Variants in TOP2A observed in about 807,000 individuals in gnomAD.
TOP2A encodes the protein DNA topoisomerase II alpha.
In TOP2A, 68 loss-of-function variants were observed where a neutral mutation model predicts 187.2. The observed-to-expected ratio is 0.36, with a 90% CI of 0.30 to 0.44. TOP2A has a LOEUF of 0.44. TOP2A is among the 20% of genes least tolerant of loss of function. The pLI is 1.00. For missense variants in TOP2A, 1,196 were observed against 1,808.7 expected (o/e 0.66, Z 6.14); for synonymous variants, 542 against 593.2 (o/e 0.91, Z 1.25).
In TOP2A at chr17:40,417,772, T is replaced by G. The variant is rs1440570848; in HGVS notation, c.20A>C (p.Gln7Pro). Residue 7 changes from glutamine to proline, a missense_variant and splice_region_variant, in exon 1 of 35, where the codon CAG (glutamine) becomes CCG (proline). Gln to Pro is a moderately conservative substitution (Grantham distance 76). Coordinates refer to ENST00000423485, the MANE Select transcript of TOP2A (RefSeq NM_001067.4). MEVSPLQPVNENMQVNK... is the reference protein window; with the variant it reads MEVSPLPPVNENMQVNK... Reference sequence around the variant, plus strand: ...GCCAGTCCCCCCCGCGAGCCGTACCTGCAATGGTGACACTTCCATGGTGAC... The same window carrying G: ...GCCAGTCCCCCCCGCGAGCCGTACCGGCAATGGTGACACTTCCATGGTGAC... 6.2e-7 allele frequency: 1 copy of G among 1,613,206 alleles called. No individual in the cohort carries two copies. The highest frequency in any genetic ancestry group is 8.5e-7 in the Non-Finnish European group (1 of 1,179,866).
In TOP2A at chr17:40,406,453, A is replaced by G. The variant is rs985044612; in HGVS notation, c.1884T>C (p.Phe628=). The part of the protein sequence containing the change: ...TSTSKEAKEY[F]ADMKRHRIQF... Reference sequence around the variant, plus strand: ...GGATACGATGTCTTTTCATATCTGCAAAGTATTCTTTAGCTTCCTTTGATG... The same window carrying G: ...GGATACGATGTCTTTTCATATCTGCGAAGTATTCTTTAGCTTCCTTTGATG... Residue 628 remains phenylalanine, a synonymous_variant, in exon 16 of 35, where the codon TTT becomes TTC. Coordinates refer to ENST00000423485, the MANE Select transcript of TOP2A (RefSeq NM_001067.4). 1.9e-6 allele frequency: 3 copies of G among 1,613,748 alleles called. No individual in the cohort carries two copies. Among genetic ancestry groups the G allele is most frequent in the Non-Finnish European group, 2.5e-6 (3 of 1,179,804 alleles).
At chr17:40,414,976 TTAA>T (rs1236616842) in intron 4 of TOP2A, among the ~76,000 whole-genome samples, 4 of 151,966 alleles carry the variant, frequency 2.6e-5, no homozygotes, top group African/African-American at 9.7e-5. Flanking sequence ...TATATTTTAG[TTAA>T]TAACTCGATA....
intron 24 of TOP2A, among the ~76,000 whole-genome samples, chr17:40,399,519 T>TA (rs1226945440): frequency 6.6e-6 from 1 of 151,920 alleles, no homozygotes; most frequent in Non-Finnish European, 1.5e-5. Context: ...TTTTTTTTTT[T>TA]ACCATCAGAT....
chr17:40,402,158 A>G (rs2035190625), intron 20 of TOP2A, among the ~76,000 whole-genome samples: 1 of 152,176 alleles, frequency 6.6e-6, no homozygotes, highest in African/African-American at 2.4e-5. Context: ...CAAGGTTTTT[A>G]GCCTGAGCAA....
At chr17:40,413,684 T>A in intron 4 of TOP2A, 59 bp from the exon 5 acceptor site, 1 of 830,148 alleles carries the variant, frequency 1.2e-6, no homozygotes, top group Non-Finnish European at 1.8e-6. Flanking sequence ...GCTTAACATT[T>A]AAAAATATTT....
rs1392558752 is a variant in TOP2A, at chr17:40,389,994, T to C, written c.4438A>G (p.Lys1480Glu). 1.2e-6 allele frequency: 2 copies of C among 1,613,782 alleles called. No individual in the cohort carries two copies. The highest frequency in any genetic ancestry group is 2.2e-5 in the South Asian group (2 of 90,998). The change falls in exon 34 of 35, where the codon AAA (lysine) becomes GAA (glutamate). Residue 1480 changes from lysine (K) to glutamate (E), a missense_variant. Lys to Glu is a moderately conservative substitution (Grantham distance 56, BLOSUM62 1). Around this residue, in one of 10 missense-constraint regions of TOP2A, gnomAD observed 374 missense variants for 403.3 expected, o/e 0.93. Coordinates refer to ENST00000423485, the MANE Select transcript of TOP2A (RefSeq NM_001067.4). ...TSDDSDSNFE[K>E]IVSKAVTSKK... ...CTTGTGACTGCTTTCGAAACAATTT[T>C]CTCAAAATTAGAGTCAGAATCATCA...
intron 4 of TOP2A, among the ~76,000 whole-genome samples, chr17:40,415,301 G>A (rs966713963): frequency 7.2e-5 from 11 of 152,028 alleles, no homozygotes; most frequent in African/African-American, 2.2e-4. Flanking sequence ...TGATCCGCCC[G>A]CATCGGCCTC....
At chr17:40,409,270 G>A (rs935838188) in intron 10 of TOP2A, 1 of 320,918 alleles carries the variant, frequency 3.1e-6, no homozygotes, top group Non-Finnish European at 6.0e-6. Flanking sequence ...TAGCTGCTTG[G>A]GAGGCTGAGG....
In TOP2A at chr17:40,392,082, T is replaced by C. The variant is rs1441765035; in HGVS notation, c.4118A>G (p.Lys1373Arg). ...KLSNKELKPQ[K>R]SVVSDLEADD... Reference sequence around the variant, plus strand: ...TAAATACATACCTGACACGACACTTTTCTGTGGTTTCAGTTCTTTGTTACT... The same window carrying C: ...TAAATACATACCTGACACGACACTTCTCTGTGGTTTCAGTTCTTTGTTACT... Residue 1373 changes from lysine (K) to arginine (R), a missense_variant, in exon 32 of 35, where the codon AAA becomes AGA. Transcript: ENST00000423485. The C allele has an allele frequency of 6.2e-7, 1 of 1,612,392 alleles. No individual in the cohort carries two copies. Among genetic ancestry groups the C allele is most frequent in the Non-Finnish European group, 8.5e-7 (1 of 1,179,352 alleles).
At chr17:40,409,548 CAGG>C in intron 10 of TOP2A, 1 of 416,814 alleles carries the variant, frequency 2.4e-6, no homozygotes, top group Non-Finnish European at 4.7e-6. Flanking sequence ...CAAGTGAGGC[CAGG>C]AGTTCAAGAC....
intron 4 of TOP2A, among the ~76,000 whole-genome samples, chr17:40,415,718 G>A (rs533122352): frequency 1.3e-5 from 2 of 152,260 alleles, no homozygotes; most frequent in Middle Eastern, 3.4e-3. Context: ...TGCCAACACT[G>A]GAGGATTGCT....
chr17:40,391,503 T>G lies in TOP2A; in HGVS notation c.4267+3A>C. ...TTAACCCATCTCAAAGATTTAGGCT[T>G]ACTTTTTGCTGCTGTCTTCTTCACT... On this transcript the variant is annotated splice_donor_region_variant and intron_variant, in intron 33 of 34. Coordinates refer to ENST00000423485, the MANE Select transcript of TOP2A (RefSeq NM_001067.4). 6.2e-7 allele frequency: 1 copy of G among 1,607,952 alleles called. No individual in the cohort carries two copies.
rs1260185113 is a variant in TOP2A, at chr17:40,416,308, G to T, written c.268+114C>A. 8.7e-6 allele frequency: 7 copies of T among 807,144 alleles called. No homozygotes were observed. In the East Asian group the frequency reaches 1.1e-4, roughly 12 times the overall value. The allele number at this position is 807,144 out of a possible 1,614,324, so 50.0% of individuals were successfully genotyped here. On this transcript the variant is annotated intron_variant, in intron 3 of 34. Transcript: ENST00000423485. The stretch of plus-strand genomic sequence containing the variant: ...ATGACAGGAGCCCTGGCTACAGCAG[G>T]TTTGGTAGAAATGATACTTTTTGTT...
rs78793460 is a variant in TOP2A, at chr17:40,398,954, A to G, written c.3289-17T>C. The G allele has an allele frequency of 1.8e-3, 2,939 of 1,603,708 alleles. 46 individuals are homozygous for G. The African/African-American group carries it at 0.034, about 19-fold the overall frequency. On this transcript the variant is annotated splice_polypyrimidine_tract_variant and intron_variant, in intron 25 of 34. Coordinates refer to ENST00000423485, the MANE Select transcript of TOP2A (RefSeq NM_001067.4). ...ATCTGGAACCTAAAGGATTAATTAA[A>G]ATCTAGCTTTATTAGAAAATGTGAA...
chr17:40,401,578 G>A (rs747850598), intron 20 of TOP2A, among the ~76,000 whole-genome samples: 7 of 152,096 alleles, frequency 4.6e-5, no homozygotes, highest in South Asian at 2.1e-4. Flanking sequence ...GCATGGTGGC[G>A]TGTACCTGTA....
At chr17:40,392,187 T>C in intron 31 of TOP2A, 31 bp downstream of exon 31, 1 of 1,612,492 alleles carries the variant, frequency 6.2e-7, no homozygotes, top group East Asian at 2.2e-5. Context: ...GAAACAATCA[T>C]GACAAAACCC....
chr17:40,410,914 G>A (rs2035312622), intron 10 of TOP2A, among the ~76,000 whole-genome samples, 195 bp downstream of exon 10: 1 of 152,146 alleles, frequency 6.6e-6, no homozygotes, highest in Non-Finnish European at 1.5e-5. Context: ...AAATGTAATT[G>A]GGAAATACTG....
intron 19 of TOP2A, 48 bp downstream of exon 19, chr17:40,404,104 A>G: frequency 6.2e-7 from 1 of 1,602,040 alleles, no homozygotes; most frequent in Non-Finnish European, 8.5e-7. Flanking sequence ...ATGACTCTGC[A>G]GGGATTTCTG....
Position 40,391,621 on chromosome 17 carries a change from A to C in TOP2A, c.4152T>G (p.Val1384=). ...TTGAAGACAGTGGTACACTGCCCTT[A>C]ACATCATCAGCTTCAAGGTCTATTA... ...SVVSDLEADD[V]KGSVPLSSSP... Residue 1384 remains valine (V), a synonymous_variant, in exon 33 of 35, where the codon GTT becomes GTG. Coordinates refer to ENST00000423485, the MANE Select transcript of TOP2A (RefSeq NM_001067.4). The C allele has an allele frequency of 6.2e-7, 1 of 1,603,092 alleles. No individual in the cohort carries two copies. Among genetic ancestry groups the C allele is most frequent in the Non-Finnish European group, 8.5e-7 (1 of 1,176,278 alleles).
Sources: gnomAD v4.1 joint callset for allele counts (sites outside exome capture counted in the v4.1 genomes callset) on GRCh38, gnomAD v4.1.1 for gene constraint, gnomAD v4.1.1 regional missense constraint, MANE v1.5 for transcripts, NCBI Gene and HGNC (gene_info 2026-07-23, HGNC 2026-07-21) for gene names.